Variants in PLCL1 observed in about 807,000 individuals in gnomAD.
PLCL1 encodes the protein inactive phospholipase C-like protein 1.
Under a neutral mutation model 84.4 loss-of-function variants are expected in PLCL1, and 41 were observed. The ratio of observed to expected loss-of-function variants is 0.49; its 90% CI spans 0.38 to 0.63. The LOEUF (loss-of-function observed/expected upper bound fraction) is 0.63, where lower values mean the gene tolerates loss of function less well. PLCL1 is among the 30% of genes least tolerant of loss of function. The pLI is 0.00. For missense variants in PLCL1, 1,206 were observed against 1,367.8 expected (o/e 0.88, Z 1.87); for synonymous variants, 490 against 488.3 (o/e 1.00, Z -0.05).
intron 4 of PLCL1, 30 bp downstream of exon 4, chr2:198,101,390 T>C: frequency 1.7e-6 from 2 of 1,211,852 alleles, no homozygotes; most frequent in Non-Finnish European, 2.4e-6. Context: ...TTTTCTGTTT[T>C]TTTTTTCTAT....
chr2:197,965,669 G>A (rs1231940143), intron 1 of PLCL1, among the ~76,000 whole-genome samples: 3 of 151,914 alleles, frequency 2.0e-5, no homozygotes, highest in Non-Finnish European at 4.4e-5. Flanking sequence ...CTTTTTTGAT[G>A]TAGGCACTTA....
chr2:198,042,163 C>T (rs577911529), intron 1 of PLCL1, among the ~76,000 whole-genome samples: 36 of 152,258 alleles, frequency 2.4e-4, no homozygotes, highest in South Asian at 2.1e-3. Context: ...TTCCTCTCCT[C>T]CTTGCCTTGA....
At chr2:198,126,870 A>T (rs958029684) in intron 5 of PLCL1, among the ~76,000 whole-genome samples, 1 of 151,838 alleles carries the variant, frequency 6.6e-6, no homozygotes, top group Admixed American at 6.6e-5. Context: ...ACCTCTGCAC[A>T]TCGGCCTGTG....
chr2:197,833,583 A>G (rs113179133), intron 1 of PLCL1, among the ~76,000 whole-genome samples: 43 of 152,214 alleles, frequency 2.8e-4, no homozygotes, highest in Non-Finnish European at 6.2e-4. Context: ...CACAACTGCT[A>G]CAAAAAGAAT....
In PLCL1 at chr2:198,147,181, C is replaced by A; in HGVS notation, c.*219C>A. 1 of 386,088 alleles carries A rather than the reference C, an allele frequency of 2.6e-6. No homozygotes were observed. The highest frequency in any genetic ancestry group is 4.7e-6 in the Non-Finnish European group (1 of 214,454). 23.9% of individuals were successfully genotyped at this position (386,088 alleles called of 1,614,324 possible). A position where few individuals can be genotyped will look rare whatever the true frequency, so the allele number is the denominator to read the frequency against. On this transcript the variant is annotated 3_prime_UTR_variant, in exon 6 of 6. Coordinates refer to ENST00000428675, the MANE Select transcript of PLCL1 (RefSeq NM_006226.4). ...AAATTCTGAGACATGTGTCAACACCCCTGTGTGGATGCCTGTGGAAGAGTG... is the reference window on the plus strand; with the variant it reads ...AAATTCTGAGACATGTGTCAACACCACTGTGTGGATGCCTGTGGAAGAGTG...
intron 1 of PLCL1, among the ~76,000 whole-genome samples, chr2:197,865,412 G>A (rs547629888): frequency 2.0e-5 from 3 of 152,112 alleles, no homozygotes; most frequent in Non-Finnish European, 4.4e-5. Context: ...CTGGCTTCTT[G>A]TTAGAAATTT....
At chr2:197,886,411 CAAAAAAAAAAAAAAAA>C (rs61183744) in intron 1 of PLCL1, among the ~76,000 whole-genome samples, 39 of 77,084 alleles carry the variant, frequency 5.1e-4, no homozygotes, top group African/African-American at 1.3e-3. Flanking sequence ...GACTCTGTCT[CAAAAAAAAAAAAAAAA>C]AAAAAAAAAA....
chr2:198,067,296 T>G, intron 1 of PLCL1, among the ~76,000 whole-genome samples: 1 of 151,932 alleles, frequency 6.6e-6, no homozygotes, highest in Admixed American at 6.6e-5. Flanking sequence ...CTCAGCTAAT[T>G]TTTGTATTTT....
chr2:198,019,699 A>AAAGG (rs537607400), intron 1 of PLCL1, among the ~76,000 whole-genome samples: 91 of 152,342 alleles, frequency 6.0e-4, no homozygotes, highest in African/African-American at 2.0e-3. Context: ...GAAAGAATGA[A>AAAGG]AAGGAAGGAA....
intron 1 of PLCL1, among the ~76,000 whole-genome samples, chr2:198,008,798 G>T (rs887243625): frequency 1.3e-5 from 2 of 152,006 alleles, no homozygotes; most frequent in Non-Finnish European, 2.9e-5. Flanking sequence ...TGTAATGGCT[G>T]CATCATTTTA....
intron 1 of PLCL1, among the ~76,000 whole-genome samples, chr2:197,876,374 T>A (rs1415858080): frequency 6.6e-6 from 1 of 152,184 alleles, no homozygotes; most frequent in East Asian, 1.9e-4. Context: ...ATCTGAAATA[T>A]ACAGGGATGC....
chr2:197,818,794 T>C (rs1424799251), intron 1 of PLCL1, among the ~76,000 whole-genome samples: 2 of 151,960 alleles, frequency 1.3e-5, no homozygotes, highest in African/African-American at 4.8e-5. Flanking sequence ...AGACACTGAG[T>C]TACTGGACCA....
intron 1 of PLCL1, among the ~76,000 whole-genome samples, chr2:197,863,993 T>G (rs1687480940): frequency 6.6e-6 from 1 of 152,162 alleles, no homozygotes. Flanking sequence ...CAGTGCTTCT[T>G]TCTCTATTTT....
intron 1 of PLCL1, among the ~76,000 whole-genome samples, chr2:197,937,409 T>C (rs1202934322): frequency 6.6e-6 from 1 of 152,238 alleles, no homozygotes; most frequent in Non-Finnish European, 1.5e-5. Flanking sequence ...TCTATGCGCA[T>C]GGATAATCTT....
intron 1 of PLCL1, among the ~76,000 whole-genome samples, chr2:198,029,504 C>T (rs1386849316): frequency 1.3e-5 from 2 of 151,954 alleles, no homozygotes; most frequent in Admixed American, 6.6e-5. Context: ...CTCTATACCC[C>T]GAAGAACAAC....
intron 5 of PLCL1, among the ~76,000 whole-genome samples, chr2:198,145,969 C>T (rs932602264): frequency 1.3e-5 from 2 of 152,162 alleles, no homozygotes; most frequent in African/African-American, 4.8e-5. Context: ...GGGCCATAGA[C>T]ACCTGTCCCT....
intron 5 of PLCL1, among the ~76,000 whole-genome samples, chr2:198,143,993 C>A (rs1176775070): frequency 6.6e-6 from 1 of 151,910 alleles, no homozygotes; most frequent in Non-Finnish European, 1.5e-5. Context: ...CTGGTACAAA[C>A]TGTTTCCTCC....
At chr2:197,833,913 C>G (rs528433479) in intron 1 of PLCL1, among the ~76,000 whole-genome samples, 1 of 152,320 alleles carries the variant, frequency 6.6e-6, no homozygotes, top group African/African-American at 2.4e-5. Flanking sequence ...TGACTTCAAA[C>G]TGTACTACAA....
intron 1 of PLCL1, among the ~76,000 whole-genome samples, chr2:198,005,571 A>T (rs1690709169): frequency 6.6e-6 from 1 of 152,220 alleles, no homozygotes; most frequent in Non-Finnish European, 1.5e-5. Flanking sequence ...GTTCACAAGG[A>T]TATTATAGTC....
Sources: allele counts gnomAD v4.1 joint callset (sites outside exome capture counted in the v4.1 genomes callset), GRCh38; gene constraint gnomAD v4.1.1; transcripts MANE v1.5; gene names NCBI Gene and HGNC (gene_info 2026-07-23, HGNC 2026-07-21).